MICAL2: variants seen among roughly 807,000 people sequenced by gnomAD.
MICAL2 encodes the protein microtubule associated monooxygenase, calponin and LIM domain containing 2.
Under a neutral mutation model 127.3 loss-of-function variants are expected in MICAL2, and 77 were observed. The observed-to-expected ratio is 0.60, with a 90% CI of 0.50 to 0.73. The LOEUF is 0.73. Ranked by LOEUF, MICAL2 falls within the 30% of genes least tolerant of loss-of-function variation. The pLI is 0.00. For missense variants in MICAL2, 1,351 were observed against 1,434.4 expected, an observed-to-expected ratio of 0.94 and a Z score of 0.94; for synonymous variants, 570 against 551.1, an observed-to-expected ratio of 1.03 and a Z score of -0.48.
chr11:12,139,639 C>G (rs1020168359), intron 2 of MICAL2, among the ~76,000 whole-genome samples: 7 of 152,124 alleles, frequency 4.6e-5, no homozygotes, highest in Non-Finnish European at 7.4e-5. Flanking sequence ...GAAAGCTGCT[C>G]CAGGAATTCT....
At chr11:12,236,119 G>T in intron 15 of MICAL2, 58 bp from the exon 16 acceptor site, 2 of 1,464,668 alleles carry the variant, frequency 1.4e-6, no homozygotes, top group Non-Finnish European at 1.9e-6. Context: ...AGGGATCTTA[G>T]TGGGACTGAA....
intron 1 of MICAL2, among the ~76,000 whole-genome samples, chr11:12,119,944 T>A (rs1850369935): frequency 6.6e-6 from 1 of 152,158 alleles, no homozygotes; most frequent in African/African-American, 2.4e-5. Context: ...CAGAGTCAGG[T>A]CTCTTTTCCA....
chr11:12,261,508 T>C, intron 26 of MICAL2: 5 of 985,408 alleles, frequency 5.1e-6, no homozygotes, highest in Non-Finnish European at 6.0e-6. Context: ...GGCTGAACAA[T>C]CAAGGGGCCG....
rs540812572 is a variant in MICAL2 at position 12,152,297 on chromosome 11, CAAAAA to C, written c.-77-9759_-77-9755del. Among the ~76,000 whole-genome samples, 24 of 38,398 alleles carry C rather than the reference CAAAAA, an allele frequency of 6.3e-4. 1 individual carries two copies. Among genetic ancestry groups the C allele is most frequent in the East Asian group, 4.2e-3 (4 of 950 alleles). 25.2% of individuals were successfully genotyped at this position (38,398 alleles called of 152,430 possible). A position where few individuals can be genotyped will look rare whatever the true frequency, so the allele number is the denominator to read the frequency against. Reference sequence around the variant, plus strand: ...TTGGCAACAAAGCAAGACTCTGTCTCAAAAAAAAAAAAAAAAAAAAAAAAAAAGAA... The same window carrying C: ...TTGGCAACAAAGCAAGACTCTGTCTCAAAAAAAAAAAAAAAAAAAAAAGAA... On this transcript the variant is annotated intron_variant, in intron 2 of 27. Transcript: ENST00000683283.
rs140209859 is a variant in MICAL2, at chr11:12,349,853, A to T, written c.5531A>T (p.Asp1844Val). ...TCTTAAGCAGATTCAGGCACACAGG[A>T]TGAAGCACAGCTTTTGCAGGAATGG... is the stretch of plus-strand genomic sequence containing the variant. The change falls in exon 33 of 35, where the codon GAT (aspartate) becomes GTT (valine). Residue 1844 changes from aspartate to valine, a missense_variant. Transcript: ENST00000646065. 5.6e-5 allele frequency: 90 copies of T among 1,614,150 alleles called. No homozygotes were observed. The African/African-American group carries it at 9.7e-4, about 17-fold the overall frequency.
chr11:12,268,809 T>C (rs1178574819), intron 24 of MICAL2, among the ~76,000 whole-genome samples: 2 of 148,420 alleles, frequency 1.3e-5, no homozygotes, highest in Non-Finnish European at 3.0e-5. Context: ...GCTAACATGG[T>C]GAAACACTGT....
intron 29 of MICAL2, among the ~76,000 whole-genome samples, chr11:12,311,401 A>ATTTATTTTATTTTATTTTAT (rs150154321): frequency 1.0e-4 from 15 of 150,190 alleles, no homozygotes; most frequent in African/African-American, 3.7e-4. Context: ...TTGGTTTCTT[A>ATTTATTTTATTTTATTTTAT]TTTATTTTAT....
chr11:12,224,502 A>T, intron 12 of MICAL2, 171 bp from the exon 13 acceptor site: 1 of 726,822 alleles, frequency 1.4e-6, no homozygotes, highest in Non-Finnish European at 2.2e-6. Flanking sequence ...CCAGGCCCCC[A>T]AGCAGCAGTC....
At chr11:12,259,603 T>C in intron 25 of MICAL2, 192 bp from the exon 26 acceptor site, 1 of 476,060 alleles carries the variant, frequency 2.1e-6, no homozygotes, top group Non-Finnish European at 3.7e-6. Flanking sequence ...GGCTCGTGAC[T>C]CCTATGGTCA....
At position 12,153,026 on chromosome 11, in the gene MICAL2, CT is replaced by C. The variant is rs200206603; in HGVS notation, c.-77-9045del. Among the ~76,000 whole-genome samples, 660 of 151,296 alleles carry C rather than the reference CT, an allele frequency of 4.4e-3. 2 individuals are homozygous for C. Among genetic ancestry groups the C allele is most frequent in the African/African-American group, 0.015 (636 of 41,270 alleles). On this transcript the variant is annotated intron_variant, in intron 2 of 27. Transcript: ENST00000683283. Reference sequence around the variant, plus strand: ...ATAACATACAATTTATCATTTTAACCTTTTTTTTGTTTGTTTGTTTTGAGGC... The same window carrying C: ...ATAACATACAATTTATCATTTTAACCTTTTTTTGTTTGTTTGTTTTGAGGC...
chr11:12,291,708 A>G (rs1308542787), downstream of MICAL2, among the ~76,000 whole-genome samples: 1 of 152,218 alleles, frequency 6.6e-6, no homozygotes, highest in African/African-American at 2.4e-5. Flanking sequence ...GTGGATGTCT[A>G]TCCTGTCTGT....
At chr11:12,287,328 G>T, downstream of MICAL2, 2 of 387,016 alleles carry the variant, frequency 5.2e-6, no homozygotes, top group Non-Finnish European at 9.1e-6. Flanking sequence ...TATTTCCACT[G>T]CTGACTAGAG....
At chr11:12,272,835 T>C (rs576467182), upstream of MICAL2, among the ~76,000 whole-genome samples, 3 of 152,212 alleles carry the variant, frequency 2.0e-5, no homozygotes, top group Non-Finnish European at 2.9e-5. Context: ...GTTCTTTTCA[T>C]GTAACCTAGC....
chr11:12,293,710 C>A, downstream of MICAL2: 1 of 1,614,060 alleles, frequency 6.2e-7, no homozygotes, highest in Non-Finnish European at 8.5e-7. Context: ...GGGCAGAGTA[C>A]TGCCTGGTGA....
intron 2 of MICAL2, among the ~76,000 whole-genome samples, chr11:12,284,532 ATC>A (rs921976983): frequency 3.3e-5 from 5 of 152,130 alleles, no homozygotes; most frequent in African/African-American, 9.7e-5. Context: ...GTGATGGAAA[ATC>A]TCTCTTGAAC....
chr11:12,324,120 G>A (rs777175290), intron 31 of MICAL2: 8 of 1,578,056 alleles, frequency 5.1e-6, no homozygotes, highest in Non-Finnish European at 4.3e-6. Context: ...CCAGGATCCT[G>A]GGACTCTGGA....
At chr11:12,175,274 G>A (rs549982290) in intron 3 of MICAL2, among the ~76,000 whole-genome samples, 2 of 152,178 alleles carry the variant, frequency 1.3e-5, no homozygotes, top group Non-Finnish European at 2.9e-5. Flanking sequence ...TCAGAAGTTC[G>A]AGACCAGCCT....
intron 26 of MICAL2, chr11:12,261,241 A>G (rs560512006): frequency 1.9e-4 from 183 of 985,460 alleles, no homozygotes; most frequent in Non-Finnish European, 2.1e-4. Flanking sequence ...TGCCACACAT[A>G]TGTGGTCAAA....
chr11:12,183,179 T>C (rs201326866), intron 3 of MICAL2, among the ~76,000 whole-genome samples: 1 of 150,848 alleles, frequency 6.6e-6, no homozygotes, highest in South Asian at 2.1e-4. Flanking sequence ...TTTTTTTTTC[T>C]TTTTTTTAAA....
Sources: allele counts gnomAD v4.1 joint callset (sites outside exome capture counted in the v4.1 genomes callset), GRCh38; gene constraint gnomAD v4.1.1; transcripts MANE v1.5; gene names NCBI Gene and HGNC (gene_info 2026-07-23, HGNC 2026-07-21).